RFTN1: variants seen among roughly 807,000 people sequenced by gnomAD.
RFTN1 encodes the protein raftlin, lipid raft linker 1, also known as raftlin.
Under a neutral mutation model 46.5 loss-of-function variants are expected in RFTN1, and 26 were observed. That is an observed-to-expected ratio of 0.56 (90% confidence interval 0.41 to 0.78). RFTN1 has a LOEUF of 0.78. Ranked by LOEUF, RFTN1 falls within the 30% of genes least tolerant of loss-of-function variation. The pLI, the probability that RFTN1 is intolerant of heterozygous loss-of-function variation, is 0.00. For synonymous variants in RFTN1, 261 were observed against 284.2 expected (o/e 0.92, Z 0.82); for missense variants, 693 against 718.7 (o/e 0.96, Z 0.41).
At chr3:16,503,886 C>G (rs2076755854) in intron 1 of RFTN1, among the ~76,000 whole-genome samples, 2 of 152,190 alleles carry the variant, frequency 1.3e-5, no homozygotes, top group Admixed American at 6.5e-5. Flanking sequence ...GATCCACCAC[C>G]TGGATTTCAC....
intron 5 of RFTN1, among the ~76,000 whole-genome samples, chr3:16,371,610 C>A (rs1046240563): frequency 1.3e-5 from 2 of 152,246 alleles, no homozygotes; most frequent in African/African-American, 4.8e-5. Context: ...GGGACCAACG[C>A]TGGGCCATAT....
chr3:16,357,323 C>G (rs1336786197), intron 7 of RFTN1, among the ~76,000 whole-genome samples: 1 of 152,126 alleles, frequency 6.6e-6, no homozygotes, highest in Non-Finnish European at 1.5e-5. Flanking sequence ...CTCCAAAGTC[C>G]CAGCAGAACG....
rs1289001573 is a variant in RFTN1 at position 16,442,257 on chromosome 3, A to C, written c.146-8220T>G. Reference sequence around the variant, plus strand: ...AAAATTAATCATTTTAAAGTGAACTATTTGGTGGCGTTTAGTATCTTCATG... The same window carrying C: ...AAAATTAATCATTTTAAAGTGAACTCTTTGGTGGCGTTTAGTATCTTCATG... On this transcript the variant is annotated intron_variant, in intron 2 of 9. Coordinates refer to ENST00000334133, the MANE Select transcript of RFTN1 (RefSeq NM_015150.2). The surrounding 1 kb of genome is among the most constrained non-coding windows in gnomAD (Gnocchi z 4.1). 6.6e-6 allele frequency among the ~76,000 whole-genome samples: 1 copy of C among 152,186 alleles called. No homozygotes were observed. Among genetic ancestry groups the C allele is most frequent in the East Asian group, 1.9e-4 (1 of 5,196 alleles).
rs1575227449 is a variant in RFTN1 at position 16,402,372 on chromosome 3, GAC to G, written c.441+7001_441+7002del. ...CCAGCTCACTGTCTTCCACTCTGAAGACACACTCATTGCTGGGATGACACTCC... is the reference window on the plus strand; with the variant it reads ...CCAGCTCACTGTCTTCCACTCTGAAGACACTCATTGCTGGGATGACACTCC... On this transcript the variant is annotated intron_variant, in intron 4 of 9. Transcript: ENST00000334133. The surrounding 1 kb of genome is among the most constrained non-coding windows in gnomAD (Gnocchi z 4.5). Among the ~76,000 whole-genome samples the G allele has an allele frequency of 6.6e-6, 1 of 152,144 alleles. No homozygotes were observed. The highest frequency in any genetic ancestry group is 1.9e-4 in the East Asian group (1 of 5,196).
chr3:16,375,370 T>A (rs2073726274), intron 5 of RFTN1, among the ~76,000 whole-genome samples: 1 of 151,624 alleles, frequency 6.6e-6, no homozygotes, highest in Non-Finnish European at 1.5e-5. Context: ...ATAAAGAAAT[T>A]TAACTATATG....
At chr3:16,476,559 T>C (rs967248282) in intron 2 of RFTN1, among the ~76,000 whole-genome samples, 1 of 152,150 alleles carries the variant, frequency 6.6e-6, no homozygotes, top group Admixed American at 6.5e-5. Context: ...AGAAGGCCTC[T>C]CTGAAAAGCT....
chr3:16,438,918 C>T (rs550765245), intron 2 of RFTN1, among the ~76,000 whole-genome samples: 1 of 152,216 alleles, frequency 6.6e-6, no homozygotes, highest in East Asian at 1.9e-4. Context: ...TCCATGCTCC[C>T]AAATCGGTGC....
rs1176972661 is a variant in RFTN1, at chr3:16,426,101, G to A, written c.332+7750C>T. On this transcript the variant is annotated intron_variant, in intron 3 of 9. Coordinates refer to ENST00000334133, the MANE Select transcript of RFTN1 (RefSeq NM_015150.2). The surrounding 1 kb of genome is among the most constrained non-coding windows in gnomAD (Gnocchi z 5.9). ...AATGTCTGCTCTCTGGGAATAAACC[G>A]GCGGCTGCAGTTTCCCATCACAGTA... is the stretch of plus-strand genomic sequence containing the variant. Among the ~76,000 whole-genome samples, 5 of 152,106 alleles carry A rather than the reference G, an allele frequency of 3.3e-5. No homozygotes were observed. Among genetic ancestry groups the A allele is most frequent in the South Asian group, 2.1e-4 (1 of 4,822 alleles).
At chr3:16,349,979 T>G (rs754708771) in intron 7 of RFTN1, 7 of 152,246 alleles carry the variant, frequency 4.6e-5, no homozygotes, top group Non-Finnish European at 8.8e-5. Flanking sequence ...CTGATTGAAG[T>G]CCACTCACAT....
rs2071907432 is a variant in RFTN1, at chr3:16,348,891, C to T, written c.1146+9041G>A. 1.3e-5 allele frequency among the ~76,000 whole-genome samples: 2 copies of T among 152,226 alleles called. No individual in the cohort carries two copies. The highest frequency in any genetic ancestry group is 4.8e-5 in the African/African-American group (2 of 41,448). ...TGTCCTGCCACTGCCACAATCCACA[C>T]ACATTTCAGAACACCCGAGCAAGTG... On this transcript the variant is annotated intron_variant, in intron 7 of 9. Transcript: ENST00000334133. This position sits in a 1 kb window ranked among gnomAD's most constrained non-coding sequence, Gnocchi z 6.3.
Position 16,336,330 on chromosome 3 carries a change from G to A in RFTN1, c.1147-9454C>T, listed in dbSNP as rs1033862348. Among the ~76,000 whole-genome samples the A allele has an allele frequency of 6.6e-6, 1 of 152,192 alleles. No individual in the cohort carries two copies. The highest frequency in any genetic ancestry group is 1.5e-5 in the Non-Finnish European group (1 of 68,040). On this transcript the variant is annotated intron_variant, in intron 7 of 9. Coordinates refer to ENST00000334133, the MANE Select transcript of RFTN1 (RefSeq NM_015150.2). The surrounding 1 kb of genome is among the most constrained non-coding windows in gnomAD (Gnocchi z 6.0). ...CCAGGAGATCCCAGTCTAGGGGTGG[G>A]GAGAACAAGCACATGGTTCCCATCC...
rs971942083 is a variant in RFTN1, at chr3:16,342,792, A to G, written c.1146+15140T>C. Among the ~76,000 whole-genome samples, 2 of 152,152 alleles carry G rather than the reference A, an allele frequency of 1.3e-5. No individual in the cohort carries two copies. The highest frequency in any genetic ancestry group is 2.9e-5 in the Non-Finnish European group (2 of 68,018). On this transcript the variant is annotated intron_variant, in intron 7 of 9. Transcript: ENST00000334133. The surrounding 1 kb of genome is among the most constrained non-coding windows in gnomAD (Gnocchi z 4.0). The stretch of plus-strand genomic sequence containing the variant: ...TCAACATGCATGCCCAGCTTATTCA[A>G]GTTGGAAGGGGTCAGGGTGGACCTC...
At chr3:16,401,623 A>G (rs903726416) in intron 4 of RFTN1, among the ~76,000 whole-genome samples, 2 of 152,082 alleles carry the variant, frequency 1.3e-5, no homozygotes, top group African/African-American at 4.8e-5. Context: ...GAAAAGTGCT[A>G]TTTTTCTTTC....
chr3:16,435,472 A>AGGCGGAAGAATCTCTTGAACCTGG (rs1241215802), intron 2 of RFTN1, among the ~76,000 whole-genome samples: 1 of 152,190 alleles, frequency 6.6e-6, no homozygotes, highest in Admixed American at 6.5e-5. Flanking sequence ...CGGGAGGCTG[A>AGGCGGAAGAATCTCTTGAACCTGG]GGCGGAAGAA....
intron 4 of RFTN1, 58 bp downstream of exon 4, chr3:16,409,317 G>C: frequency 8.5e-7 from 1 of 1,183,426 alleles, no homozygotes; most frequent in Non-Finnish European, 1.3e-6. Context: ...CTACCTGCCT[G>C]TTCACTCAGG....
At position 16,457,098 on chromosome 3, in the gene RFTN1, C is replaced by T. The variant is rs1382831038; in HGVS notation, c.146-23061G>A. Reference sequence around the variant, plus strand: ...CTGGCAGGAAAACAGGCTCTTTAATCTTTTACAGTTCACCACATTTGTTTT... The same window carrying T: ...CTGGCAGGAAAACAGGCTCTTTAATTTTTTACAGTTCACCACATTTGTTTT... On this transcript the variant is annotated intron_variant, in intron 2 of 9. Coordinates refer to ENST00000334133, the MANE Select transcript of RFTN1 (RefSeq NM_015150.2). This position sits in a 1 kb window ranked among gnomAD's most constrained non-coding sequence, Gnocchi z 4.2. Among the ~76,000 whole-genome samples, 3 of 152,176 alleles carry T rather than the reference C, an allele frequency of 2.0e-5. No individual in the cohort carries two copies. Among genetic ancestry groups the T allele is most frequent in the African/African-American group, 7.2e-5 (3 of 41,432 alleles).
At position 16,376,170 on chromosome 3, in the gene RFTN1, T is replaced by A. The variant is rs933993976; in HGVS notation, c.826+1548A>T. Reference sequence around the variant, plus strand: ...AGAGGTGGAGGTCGAGTGTCAGGACTACTGAGCCTGTACCCCAATAATAGC... The same window carrying A: ...AGAGGTGGAGGTCGAGTGTCAGGACAACTGAGCCTGTACCCCAATAATAGC... On this transcript the variant is annotated intron_variant, in intron 5 of 9. Transcript: ENST00000334133. This position sits in a 1 kb window ranked among gnomAD's most constrained non-coding sequence, Gnocchi z 4.7. Among the ~76,000 whole-genome samples, 3 of 152,162 alleles carry A rather than the reference T, an allele frequency of 2.0e-5. No homozygotes were observed. Among genetic ancestry groups the A allele is most frequent in the African/African-American group, 7.2e-5 (3 of 41,436 alleles).
intron 1 of RFTN1, among the ~76,000 whole-genome samples, chr3:16,502,172 G>A (rs530222671): frequency 6.6e-6 from 1 of 152,188 alleles, no homozygotes; most frequent in South Asian, 2.1e-4. Flanking sequence ...TTCAAGACTA[G>A]CCTGGGCAAC....
rs1333380759 is a variant in RFTN1, at chr3:16,378,062, A to G, written c.482T>C (p.Val161Ala). ...AASQGLKFVG[V>A]IPQYHSSVNS... ...CACAGAGGAATGGTACTGAGGTATAACACCAACGAATTTCAGGCCCTGGCT... is the reference window on the plus strand; with the variant it reads ...CACAGAGGAATGGTACTGAGGTATAGCACCAACGAATTTCAGGCCCTGGCT... The change falls in exon 5 of 10, where the codon GTT becomes GCT. Residue 161 changes from valine (V) to alanine (A), a missense_variant. Coordinates refer to ENST00000334133, the MANE Select transcript of RFTN1 (RefSeq NM_015150.2). 1 of 1,612,148 alleles carries G rather than the reference A, an allele frequency of 6.2e-7. No individual in the cohort carries two copies. Among genetic ancestry groups the G allele is most frequent in the Non-Finnish European group, 8.5e-7 (1 of 1,178,182 alleles).
Sources: allele counts gnomAD v4.1 joint callset (sites outside exome capture counted in the v4.1 genomes callset), GRCh38; gene constraint gnomAD v4.1.1; non-coding constraint Gnocchi (gnomAD v3.1); transcripts MANE v1.5; gene names NCBI Gene and HGNC (gene_info 2026-07-23, HGNC 2026-07-21).